The following ANKRD28 variants were observed in gnomAD, a reference collection of about 807,000 sequenced individuals.
ANKRD28 encodes the protein ankyrin repeat domain 28.
Under a neutral mutation model 126.5 loss-of-function variants are expected in ANKRD28, and 44 were observed. The ratio of observed to expected loss-of-function variants is 0.35; its 90% CI spans 0.27 to 0.45. The LOEUF (loss-of-function observed/expected upper bound fraction) is 0.45. ANKRD28 is among the 20% of genes least tolerant of loss of function. The pLI is 1.00. For missense variants in ANKRD28, 1,110 were observed against 1,316.6 expected (o/e 0.84, Z 2.43); for synonymous variants, 442 against 468.5 (o/e 0.94, Z 0.73).
intron 6 of ANKRD28, among the ~76,000 whole-genome samples, chr3:15,731,566 A>G (rs908918890): frequency 6.6e-6 from 1 of 152,198 alleles, no homozygotes; most frequent in African/African-American, 2.4e-5. Flanking sequence ...GGCCCAGTAC[A>G]TAACTAGCGG....
At chr3:15,841,631 T>A (rs184701004) in intron 1 of ANKRD28, among the ~76,000 whole-genome samples, 42 of 152,108 alleles carry the variant, frequency 2.8e-4, no homozygotes, top group African/African-American at 9.9e-4. Context: ...AAGATCTGAA[T>A]AGGCATTTCT....
intron 1 of ANKRD28, among the ~76,000 whole-genome samples, chr3:15,858,922 A>C (rs1348983): frequency 0.72 from 110,319 of 152,186 alleles, 40,216 homozygotes; most frequent in East Asian, 0.93. Flanking sequence ...AGTCGCTAAG[A>C]GGAATCAATT....
In ANKRD28 at chr3:15,830,640, A is replaced by C. The variant is rs1466424048; in HGVS notation, c.27+28737T>G. Among the ~76,000 whole-genome samples, 1 of 151,546 alleles carries C rather than the reference A, an allele frequency of 6.6e-6. No individual in the cohort carries two copies. The highest frequency in any genetic ancestry group is 1.5e-5 in the Non-Finnish European group (1 of 67,900). Reference sequence around the variant, plus strand: ...GAAACTGGTCCCTGGTGCCAAAAACACTGGGGACTGCTGCAGTAATGGATT... The same window carrying C: ...GAAACTGGTCCCTGGTGCCAAAAACCCTGGGGACTGCTGCAGTAATGGATT... On this transcript the variant is annotated intron_variant, in intron 1 of 27. Coordinates refer to the ANKRD28 transcript ENST00000399451. The surrounding 1 kb of genome is among the most constrained non-coding windows in gnomAD (Gnocchi z 4.5).
intron 14 of ANKRD28, among the ~76,000 whole-genome samples, chr3:15,704,979 A>T (rs2071160384): frequency 6.6e-6 from 1 of 152,186 alleles, no homozygotes; most frequent in Non-Finnish European, 1.5e-5. Context: ...CAACTCTAAC[A>T]GGGAGGTTTC....
chr3:15,724,286 TA>T, intron 7 of ANKRD28, 95 bp downstream of exon 7: 3 of 1,067,900 alleles, frequency 2.8e-6, no homozygotes, highest in Non-Finnish European at 3.9e-6. Flanking sequence ...AAACATTGTA[TA>T]AAATAATTTC....
intron 14 of ANKRD28, among the ~76,000 whole-genome samples, chr3:15,702,870 AC>A (rs1451614955): frequency 6.6e-6 from 1 of 151,860 alleles, no homozygotes; most frequent in African/African-American, 2.4e-5. Context: ...AATACAACTA[AC>A]CTTTATAGGA....
rs1318735319 is a variant in ANKRD28, at chr3:15,833,200, G to A, written c.27+26177C>T. On this transcript the variant is annotated intron_variant, in intron 1 of 27. Coordinates refer to the ANKRD28 transcript ENST00000399451. The surrounding 1 kb of genome is among the most constrained non-coding windows in gnomAD (Gnocchi z 4.4). The stretch of plus-strand genomic sequence containing the variant: ...ATTAACATTTAAGTCAGTGGGCTGG[G>A]AAAGGCGGATCTACCCTTAATCTGA... Among the ~76,000 whole-genome samples, 1 of 152,050 alleles carries A rather than the reference G, an allele frequency of 6.6e-6. No individual in the cohort carries two copies. The highest frequency in any genetic ancestry group is 1.9e-4 in the East Asian group (1 of 5,192).
intron 17 of ANKRD28, 115 bp from the exon 18 acceptor site, chr3:15,690,335 A>C: frequency 1.2e-6 from 1 of 842,084 alleles, no homozygotes; most frequent in South Asian, 2.0e-5. Context: ...TACTTGAGAT[A>C]ATCCAAACTT....
intron 1 of ANKRD28, 100 bp from the exon 2 acceptor site, chr3:15,795,406 G>A: frequency 1.3e-6 from 1 of 747,596 alleles, no homozygotes; most frequent in Non-Finnish European, 2.2e-6. Context: ...CTTCCCTGTA[G>A]CAATAATCAC....
At chr3:15,824,959 A>T (rs1185282420) in intron 1 of ANKRD28, among the ~76,000 whole-genome samples, 1 of 152,200 alleles carries the variant, frequency 6.6e-6, no homozygotes, top group African/African-American at 2.4e-5. Flanking sequence ...ACTGAAAAAG[A>T]TCTCCAAGAT....
At chr3:15,728,258 C>T (rs1043861805) in intron 6 of ANKRD28, among the ~76,000 whole-genome samples, 1 of 151,982 alleles carries the variant, frequency 6.6e-6, no homozygotes, top group Non-Finnish European at 1.5e-5. Context: ...CTATTGCACA[C>T]TTAATAGACT....
intron 1 of ANKRD28, among the ~76,000 whole-genome samples, chr3:15,809,898 A>C (rs1345496335): frequency 6.6e-6 from 1 of 152,136 alleles, no homozygotes; most frequent in Non-Finnish European, 1.5e-5. Context: ...GTTGCAATTC[A>C]AGTATACCAT....
Position 15,751,824 on chromosome 3 carries a change from C to T in ANKRD28, c.281-4G>A. On this transcript the variant is annotated splice_region_variant and splice_polypyrimidine_tract_variant and intron_variant, in intron 3 of 27. Coordinates refer to ENST00000683139, the MANE Select transcript of ANKRD28 (RefSeq NM_001349278.2). ...TCTTTGGCATTAACTCTAGCTCCTG[C>T]AACAAGAAGAAAAAAATAAATTGAA... 6.4e-7 allele frequency: 1 copy of T among 1,551,414 alleles called. No individual in the cohort carries two copies. Among genetic ancestry groups the T allele is most frequent in the African/African-American group, 1.4e-5 (1 of 72,894 alleles).
intron 4 of ANKRD28, among the ~76,000 whole-genome samples, chr3:15,738,218 C>T (rs1016332414): frequency 1.3e-5 from 2 of 152,026 alleles, no homozygotes; most frequent in South Asian, 2.1e-4. Flanking sequence ...CCCTAAGTGT[C>T]GGCTGGTCTG....
chr3:15,746,152 A>G (rs1404740602), intron 4 of ANKRD28, among the ~76,000 whole-genome samples: 2 of 152,218 alleles, frequency 1.3e-5, no homozygotes, highest in South Asian at 4.1e-4. Context: ...TATCATCAGC[A>G]AACAGTGACA....
chr3:15,772,419 C>CA (rs1009940182), intron 2 of ANKRD28, among the ~76,000 whole-genome samples: 8 of 151,836 alleles, frequency 5.3e-5, no homozygotes, highest in African/African-American at 1.5e-4. Flanking sequence ...CAGACAATTA[C>CA]AAAAAACAAA....
intron 4 of ANKRD28, among the ~76,000 whole-genome samples, chr3:15,747,938 T>C (rs1358461068): frequency 4.6e-5 from 7 of 152,346 alleles, no homozygotes; most frequent in Non-Finnish European, 1.0e-4. Context: ...TTTATCATTA[T>C]ATAATGTCCC....
intron 4 of ANKRD28, among the ~76,000 whole-genome samples, chr3:15,740,532 T>C (rs2125194332): frequency 6.6e-6 from 1 of 152,244 alleles, no homozygotes; most frequent in Admixed American, 6.5e-5. Flanking sequence ...TATTGGGAAA[T>C]GTTAGTAGGT....
chr3:15,751,936 CTT>C, intron 3 of ANKRD28, 116 bp from the exon 4 acceptor site: 2 of 660,330 alleles, frequency 3.0e-6, no homozygotes, highest in Non-Finnish European at 4.7e-6. Context: ...TGAAAAAAAA[CTT>C]ATTTTTTACA....
Sources: gnomAD v4.1 joint callset for allele counts (sites outside exome capture counted in the v4.1 genomes callset) on GRCh38, gnomAD v4.1.1 for gene constraint, Gnocchi (gnomAD v3.1) non-coding constraint, MANE v1.5 for transcripts, NCBI Gene and HGNC (gene_info 2026-07-23, HGNC 2026-07-21) for gene names.